KLHL24: variants seen among roughly 807,000 people sequenced by gnomAD.
KLHL24 encodes the protein kelch like family member 24.
KLHL24 carries 29 observed loss-of-function variants against 53.4 expected under a neutral mutation model. That is an observed-to-expected ratio of 0.54 (90% confidence interval 0.40 to 0.74). KLHL24 has a LOEUF of 0.74. KLHL24 is among the 30% of genes least tolerant of loss of function. The pLI is 0.00. For missense variants in KLHL24, 504 were observed against 744.0 expected, an observed-to-expected ratio of 0.68 and a Z score of 3.75; for synonymous variants, 222 against 253.7, an observed-to-expected ratio of 0.88 and a Z score of 1.19.
At chr3:183,668,943 T>C (rs560351041) in intron 5 of KLHL24, among the ~76,000 whole-genome samples, 2 of 152,056 alleles carry the variant, frequency 1.3e-5, no homozygotes, top group Admixed American at 6.6e-5. Context: ...GATGATGGAA[T>C]AATGGAGAAT....
chr3:183,655,495 A>G (rs1485590728), intron 3 of KLHL24, among the ~76,000 whole-genome samples: 1 of 152,124 alleles, frequency 6.6e-6, no homozygotes, highest in East Asian at 1.9e-4. Flanking sequence ...TAGGCATTGT[A>G]GCATGTACCT....
chr3:183,664,872 CA>C, intron 4 of KLHL24, 48 bp from the exon 5 acceptor site: 1 of 1,038,158 alleles, frequency 9.6e-7, no homozygotes, highest in Non-Finnish European at 1.5e-6. Context: ...CTCTTGGTGA[CA>C]GCTATATCAT....
At chr3:183,667,292 G>A (rs779627822) in intron 5 of KLHL24, among the ~76,000 whole-genome samples, 4 of 152,140 alleles carry the variant, frequency 2.6e-5, no homozygotes, top group South Asian at 2.1e-4. Flanking sequence ...GGTCCGCACC[G>A]GTAGTCCCAG....
chr3:183,666,143 A>G (rs1392249076), intron 5 of KLHL24, among the ~76,000 whole-genome samples: 1 of 152,174 alleles, frequency 6.6e-6, no homozygotes, highest in African/African-American at 2.4e-5. Flanking sequence ...GGCCTCCCAG[A>G]GGGCTGGGAT....
In KLHL24 at chr3:183,684,274, G is replaced by A. The variant is rs1489734666; in HGVS notation, c.*4988G>A. 2 of 152,444 alleles carry A rather than the reference G, an allele frequency of 1.3e-5. No homozygotes were observed. Among genetic ancestry groups the A allele is most frequent in the Non-Finnish European group, 2.9e-5 (2 of 68,018 alleles). The allele number at this position is 152,444 out of a possible 1,614,324, so 9.4% of individuals were successfully genotyped here. ...TTAGAGTTGAACAAAAGTATAATCT[G>A]CTTTACAACTAGTATAGACCTAAGG... On this transcript the variant is annotated 3_prime_UTR_variant, in exon 8 of 8. Transcript: ENST00000242810.
At chr3:183,648,143 A>G (rs1009348798) in intron 2 of KLHL24, among the ~76,000 whole-genome samples, 2 of 152,252 alleles carry the variant, frequency 1.3e-5, no homozygotes, top group African/African-American at 4.8e-5. Context: ...TAAAAGCTGC[A>G]ATATTAAGTA....
intron 6 of KLHL24, among the ~76,000 whole-genome samples, chr3:183,672,008 A>G (rs1195341736): frequency 6.6e-6 from 1 of 152,212 alleles, no homozygotes; most frequent in Non-Finnish European, 1.5e-5. Context: ...ACATAACACA[A>G]TTGTGAAAAG....
intron 2 of KLHL24, among the ~76,000 whole-genome samples, chr3:183,647,904 G>C (rs1158359459): frequency 2.0e-5 from 3 of 152,142 alleles, no homozygotes; most frequent in Admixed American, 6.5e-5. Flanking sequence ...TACTCGGGAG[G>C]CTGAGGCACG....
chr3:183,673,358 A>C (rs1051505292), intron 7 of KLHL24, among the ~76,000 whole-genome samples: 29 of 151,442 alleles, frequency 1.9e-4, no homozygotes, highest in African/African-American at 6.6e-4. Context: ...TTACCATCCC[A>C]TGGAGAAGTA....
At chr3:183,653,513 G>A (rs11928492) in intron 3 of KLHL24, among the ~76,000 whole-genome samples, 50,982 of 152,068 alleles carry the variant, frequency 0.34, 9,411 homozygotes, top group African/African-American at 0.49. Flanking sequence ...TTTGCAGGGC[G>A]GGGAAACCAG....
chr3:183,669,409 A>G (rs1265403886), intron 5 of KLHL24, among the ~76,000 whole-genome samples: 1 of 152,156 alleles, frequency 6.6e-6, no homozygotes, highest in Non-Finnish European at 1.5e-5. Context: ...GGGTAGATAA[A>G]TTGCCCTTAC....
intron 1 of KLHL24, among the ~76,000 whole-genome samples, chr3:183,639,017 G>A (rs1042850351): frequency 9.2e-5 from 14 of 151,806 alleles, no homozygotes; most frequent in African/African-American, 3.4e-4. Context: ...CCTGGCCAAC[G>A]TGGTGAAACC....
chr3:183,678,042 C>G lies in KLHL24; in HGVS notation c.1603-1044C>G, dbSNP rs779352199. On this transcript the variant is annotated intron_variant, in intron 7 of 7. Transcript: ENST00000242810. ...TCTTGATCTCAAGTGATCCACCTGC[C>G]TCGGCCTCCCAAAGTGCTGGGATTA... 3.5e-4 allele frequency among the ~76,000 whole-genome samples: 54 copies of G among 152,238 alleles called. 2 individuals carry two copies. Among genetic ancestry groups the G allele is most frequent in the Non-Finnish European group, 1.2e-4 (8 of 68,038 alleles).
intron 3 of KLHL24, among the ~76,000 whole-genome samples, chr3:183,653,558 C>T (rs540556187): frequency 1.3e-5 from 2 of 152,308 alleles, no homozygotes; most frequent in South Asian, 2.1e-4. Flanking sequence ...GTTAATTATA[C>T]TGTGACAGGT....
intron 5 of KLHL24, among the ~76,000 whole-genome samples, chr3:183,665,681 C>T (rs1250665609): frequency 1.3e-5 from 2 of 151,928 alleles, no homozygotes; most frequent in African/African-American, 2.4e-5. Flanking sequence ...ACCCGGGAGG[C>T]GGAGGTTGCA....
At chr3:183,668,990 A>G (rs1454905030) in intron 5 of KLHL24, among the ~76,000 whole-genome samples, 1 of 152,166 alleles carries the variant, frequency 6.6e-6, no homozygotes, top group Non-Finnish European at 1.5e-5. Flanking sequence ...AATAACCCCA[A>G]AGAGATCAAG....
At chr3:183,661,980 TAA>T (rs1211918753) in intron 3 of KLHL24, among the ~76,000 whole-genome samples, 1 of 152,186 alleles carries the variant, frequency 6.6e-6, no homozygotes, top group East Asian at 1.9e-4. Context: ...GAATGATAGA[TAA>T]GTCAGTAGTT....
intron 2 of KLHL24, among the ~76,000 whole-genome samples, chr3:183,649,913 TAAAAA>T (rs2108794296): frequency 6.6e-6 from 1 of 152,246 alleles, no homozygotes; most frequent in African/African-American, 2.4e-5. Context: ...AAAAGATTCT[TAAAAA>T]GAAAGATAAC....
At chr3:183,667,157 C>A (rs569709987) in intron 5 of KLHL24, among the ~76,000 whole-genome samples, 2 of 152,214 alleles carry the variant, frequency 1.3e-5, no homozygotes, top group East Asian at 3.9e-4. Flanking sequence ...TGGTGGCTCA[C>A]ACCTGTAATC....
Sources: gnomAD v4.1 joint callset for allele counts (sites outside exome capture counted in the v4.1 genomes callset) on GRCh38, gnomAD v4.1.1 for gene constraint, MANE v1.5 for transcripts, NCBI Gene and HGNC (gene_info 2026-07-23, HGNC 2026-07-21) for gene names.